TFRC: variants seen among roughly 807,000 people sequenced by gnomAD.
TFRC encodes transferrin receptor protein 1.
In TFRC, 35 loss-of-function variants were observed where a neutral mutation model predicts 85.8. The ratio of observed to expected loss-of-function variants is 0.41; its 90% CI spans 0.31 to 0.54. TFRC has a LOEUF of 0.54. Ranked by LOEUF, TFRC falls within the 20% of genes least tolerant of loss-of-function variation. The pLI is 0.31. For synonymous variants in TFRC, 362 were observed against 328.6 expected (o/e 1.10, Z -1.10); for missense variants, 828 against 921.5 (o/e 0.90, Z 1.31).
rs41295869 is a variant in TFRC, at chr3:196,065,620, G to GT, written c.1041-21dup. The GT allele has an allele frequency of 6.4e-5, 102 of 1,585,868 alleles. No homozygotes were observed. The African/African-American group carries it at 9.9e-4, about 15-fold the overall frequency. ...ATATTCCTAGAATCAGAAAGCAGGC[G>GT]TAAGTTCTGAGTTATTGTTCCTTGC... On this transcript the variant is annotated intron_variant, in intron 9 of 18. Transcript: ENST00000360110.
In TFRC at chr3:196,049,889, C is replaced by A. The variant is rs1263734010; in HGVS notation, c.*2053G>T. On this transcript the variant is annotated 3_prime_UTR_variant, in exon 19 of 19. Transcript: ENST00000360110. ...AAATCTAGGTAAGTGACACTAAGAA[C>A]CTGAAGAGACCCTATGAACTTTTCC... 3.1e-4 allele frequency: 72 copies of A among 231,504 alleles called. 2 individuals carry two copies. In the Admixed American group the frequency reaches 4.1e-3, roughly 13 times the overall value. 14.3% of individuals were successfully genotyped at this position (231,504 alleles called of 1,614,324 possible). A position where few individuals can be genotyped will look rare whatever the true frequency, so the allele number is the denominator to read the frequency against.
chr3:196,080,207 G>A (rs1022635169), intron 1 of TFRC, among the ~76,000 whole-genome samples: 2 of 152,208 alleles, frequency 1.3e-5, no homozygotes, highest in Non-Finnish European at 2.9e-5. Flanking sequence ...AGGTTAAAGC[G>A]ACTCTCGAGC....
chr3:196,066,279 C>T (rs1560079417), intron 9 of TFRC, among the ~76,000 whole-genome samples: 2 of 152,122 alleles, frequency 1.3e-5, no homozygotes, highest in Non-Finnish European at 2.9e-5. Flanking sequence ...GGATAGTACA[C>T]ATTCTTAGCT....
In TFRC at chr3:196,065,425, G is replaced by C. The variant is rs773185854; in HGVS notation, c.1198+18C>G. 476 of 702,256 alleles carry C rather than the reference G, an allele frequency of 6.8e-4. 33 individuals carry two copies. Among genetic ancestry groups the C allele is most frequent in the African/African-American group, 6.5e-3 (237 of 36,564 alleles). The allele number at this position is 702,256 out of a possible 1,614,324, so 43.5% of individuals were successfully genotyped here. ...ACAAAAAAAAAGCGGGGCGGGGGGGGGGGGGGGCGGTCTTTACCTGGTTCT... is the reference window on the plus strand; with the variant it reads ...ACAAAAAAAAAGCGGGGCGGGGGGGCGGGGGGGCGGTCTTTACCTGGTTCT... On this transcript the variant is annotated intron_variant, in intron 10 of 18. Transcript: ENST00000360110.
intron 11 of TFRC, among the ~76,000 whole-genome samples, chr3:196,063,584 T>G (rs1331749026): frequency 2.0e-5 from 3 of 152,006 alleles, no homozygotes; most frequent in Non-Finnish European, 1.5e-5. Context: ...ATTTTGAATG[T>G]GTGGGTGGGT....
chr3:196,067,803 T>C (rs1276589809), intron 8 of TFRC, 146 bp from the exon 9 acceptor site: 1 of 938,334 alleles, frequency 1.1e-6, no homozygotes, highest in Non-Finnish European at 1.6e-6. Flanking sequence ...ATGTGACTCC[T>C]GTTTTCATGG....
Position 196,052,026 on chromosome 3 carries a change from G to T in TFRC, c.2199C>A (p.Asn733Lys), listed in dbSNP as rs746915531. The change falls in exon 19 of 19, where the codon AAC becomes AAA. Residue 733 changes from asparagine to lysine, a missense_variant. Physicochemically the swap from Asn to Lys is moderately conservative, Grantham distance 94. Coordinates refer to ENST00000360110, the MANE Select transcript of TFRC (RefSeq NM_001128148.3). ...NGAFNETLFR[N>K]QLALATWTIQ... Reference sequence around the variant, plus strand: ...TAGTCCAAGTAGCTAGAGCCAACTGGTTTCTGAACAGCGTTTCATTAAAAG... The same window carrying T: ...TAGTCCAAGTAGCTAGAGCCAACTGTTTTCTGAACAGCGTTTCATTAAAAG... The T allele has an allele frequency of 3.1e-6, 5 of 1,614,062 alleles. No homozygotes were observed. In the East Asian group the frequency reaches 8.9e-5, roughly 29 times the overall value.
chr3:196,062,963 T>C (rs776712353), intron 11 of TFRC, 24 bp from the exon 12 acceptor site: 24 of 1,603,026 alleles, frequency 1.5e-5, no homozygotes, highest in Non-Finnish European at 2.1e-5. Context: ...AAGTTAGCTT[T>C]ACCTGAGGAA....
intron 6 of TFRC, among the ~76,000 whole-genome samples, chr3:196,070,265 AT>A (rs35819676): frequency 0.65 from 92,963 of 143,074 alleles, 33,243 homozygotes; most frequent in Non-Finnish European, 0.84. Flanking sequence ...TACAAATGTG[AT>A]TTTTTTTTTT....
intron 4 of TFRC, among the ~76,000 whole-genome samples, chr3:196,072,443 A>G (rs1718290530): frequency 6.6e-6 from 1 of 152,226 alleles, no homozygotes; most frequent in Non-Finnish European, 1.5e-5. Context: ...AGTAGCTTCC[A>G]GATCTACTAT....
intron 16 of TFRC, among the ~76,000 whole-genome samples, chr3:196,056,736 C>T (rs547173586): frequency 9.7e-4 from 147 of 152,258 alleles, no homozygotes; most frequent in African/African-American, 3.5e-3. Flanking sequence ...GAAGTTTTAG[C>T]AATAAACTCA....
chr3:196,077,487 C>G (rs1355074715), intron 1 of TFRC, among the ~76,000 whole-genome samples: 2 of 151,776 alleles, frequency 1.3e-5, no homozygotes, highest in East Asian at 3.9e-4. Flanking sequence ...CGGGGTGGCT[C>G]ACACCTGTAA....
Position 196,053,405 on chromosome 3 carries a change from A to G in TFRC, c.2040+13T>C. 1 of 1,614,032 alleles carries G rather than the reference A, an allele frequency of 6.2e-7. No individual in the cohort carries two copies. The highest frequency in any genetic ancestry group is 2.2e-5 in the East Asian group (1 of 44,866). ...ACATACTTTAGTTCCTCCTTTCCCA[A>G]AAGTTCACTTACTCTCATGACACGA... On this transcript the variant is annotated intron_variant, in intron 18 of 18. Transcript: ENST00000360110.
intron 11 of TFRC, 106 bp from the exon 12 acceptor site, chr3:196,063,045 G>A: frequency 1.6e-5 from 12 of 736,362 alleles, no homozygotes; most frequent in South Asian, 8.2e-5. Context: ...CAAGATAGCA[G>A]ATTCCAAAAT....
Position 196,077,103 on chromosome 3 carries a change from G to T in TFRC, c.-4C>A. 6.2e-7 allele frequency: 1 copy of T among 1,613,306 alleles called. No homozygotes were observed. Among genetic ancestry groups the T allele is most frequent in the South Asian group, 1.1e-5 (1 of 91,028 alleles). On this transcript the variant is annotated 5_prime_UTR_variant, in exon 2 of 19. Transcript: ENST00000360110. ...CTGATCTAGCTTGATCCATCATTCT[G>T]AACTGCCACACAGAAGAACCTAGGT... is the stretch of plus-strand genomic sequence containing the variant.
chr3:196,065,361 G>A (rs1028580299), intron 10 of TFRC, 82 bp downstream of exon 10: 5 of 794,098 alleles, frequency 6.3e-6, no homozygotes, highest in South Asian at 5.9e-5. Flanking sequence ...TCCTACACTC[G>A]CTCCTTCTCT....
At chr3:196,072,198 ATAAACATT>A in intron 4 of TFRC, 46 bp from the exon 5 acceptor site, 2 of 1,598,832 alleles carry the variant, frequency 1.3e-6, no homozygotes, top group Non-Finnish European at 8.5e-7. Flanking sequence ...TTACTTTAAA[ATAAACATT>A]TAAGTCAAGG....
In TFRC at chr3:196,049,365, A is replaced by T. The variant is rs961648120; in HGVS notation, c.*2577T>A. 1 of 198,550 alleles carries T rather than the reference A, an allele frequency of 5.0e-6. No individual in the cohort carries two copies. The highest frequency in any genetic ancestry group is 1.0e-5 in the Non-Finnish European group (1 of 96,182). 12.3% of individuals were successfully genotyped at this position (198,550 alleles called of 1,614,324 possible). On this transcript the variant is annotated 3_prime_UTR_variant, in exon 19 of 19. Coordinates refer to ENST00000360110, the MANE Select transcript of TFRC (RefSeq NM_001128148.3). ...ACAGCTTTTATACAATGATAAGGACATATCATTTGTTTACAAAGAAAGTCT... is the reference window on the plus strand; with the variant it reads ...ACAGCTTTTATACAATGATAAGGACTTATCATTTGTTTACAAAGAAAGTCT...
intron 4 of TFRC, among the ~76,000 whole-genome samples, chr3:196,073,047 A>AACGAACAAAC (rs756106120): frequency 9.1e-6 from 1 of 110,496 alleles, no homozygotes; most frequent in Non-Finnish European, 2.1e-5. Flanking sequence ...AAAAAAAAAA[A>AACGAACAAAC]AAAAAAAAAA....
Sources: gnomAD v4.1 joint callset for allele counts (sites outside exome capture counted in the v4.1 genomes callset) on GRCh38, gnomAD v4.1.1 for gene constraint, MANE v1.5 for transcripts, NCBI Gene and HGNC (gene_info 2026-07-23, HGNC 2026-07-21) for gene names.